GRHL3: variants seen among roughly 807,000 people sequenced by gnomAD.
GRHL3 encodes grainyhead like transcription factor 3.
Under a neutral mutation model 70.3 loss-of-function variants are expected in GRHL3, and 20 were observed. The ratio of observed to expected loss-of-function variants is 0.28; its 90% CI spans 0.20 to 0.41. GRHL3 has a LOEUF of 0.41. GRHL3 is among the 10% of genes least tolerant of loss of function. The pLI, the probability that GRHL3 is intolerant of heterozygous loss-of-function variation, is 1.00. For synonymous variants in GRHL3, 299 were observed against 299.9 expected (o/e 1.00, Z 0.03); for missense variants, 637 against 762.3 (o/e 0.84, Z 1.94).
downstream of GRHL3, chr1:24,358,339 G>A: frequency 1.4e-6 from 1 of 694,002 alleles, no homozygotes; most frequent in South Asian, 1.5e-5. Context: ...TGGGGCTGGG[G>A]TGAAGTCTCC....
In GRHL3 at chr1:24,334,557, C is replaced by T; in HGVS notation, c.205-88C>T. ...CGAACCATATCACCAAAGTTACTCC[C>T]CTGCCTGGCCAAAGCTGCAGGAGGG... On this transcript the variant is annotated intron_variant, in intron 2 of 15. Coordinates refer to ENST00000361548, the MANE Select transcript of GRHL3 (RefSeq NM_198173.3). The surrounding 1 kb of genome is among the most constrained non-coding windows in gnomAD (Gnocchi z 4.3). 9.8e-7 allele frequency: 1 copy of T among 1,018,932 alleles called. No homozygotes were observed. The highest frequency in any genetic ancestry group is 1.4e-5 in the South Asian group (1 of 72,976). 63.1% of individuals were successfully genotyped at this position (1,018,932 alleles called of 1,614,324 possible).
chr1:24,336,496 T>C lies in GRHL3; in HGVS notation c.281T>C (p.Met94Thr). The C allele has an allele frequency of 6.3e-7, 1 of 1,579,778 alleles. No homozygotes were observed. The highest frequency in any genetic ancestry group is 8.6e-7 in the Non-Finnish European group (1 of 1,159,190). The change falls in exon 4 of 16, where the codon ATG becomes ACG. Residue 94 changes from methionine to threonine, a missense_variant. Physicochemically the swap from Met to Thr is moderately conservative, Grantham distance 81. Coordinates refer to ENST00000361548, the MANE Select transcript of GRHL3 (RefSeq NM_198173.3). ...NDQGKRYYHG[M>T]EYETDLTPLE... ...TTTCTCCCCAGGTACTACCATGGCA[T>C]GGAATATGAGACGGACCTCACTCCC...
In GRHL3 at chr1:24,331,605, A is replaced by G. The variant is rs761071774; in HGVS notation, c.197A>G (p.Tyr66Cys). Residue 66 changes from tyrosine (Y) to cysteine (C), a missense_variant, in exon 2 of 16, where the codon TAC (tyrosine) becomes TGC (cysteine). Physicochemically the swap from Tyr to Cys is radical, Grantham distance 194. Coordinates refer to ENST00000361548, the MANE Select transcript of GRHL3 (RefSeq NM_198173.3). ...GCGGCCTTGAGCTTCCTCTATGATT[A>G]CTACATGGTACGTCTACCCCCTCTG... ...SVAALSFLYD[Y>C]YMGPKEKRIL... 34 of 1,612,708 alleles carry G rather than the reference A, an allele frequency of 2.1e-5. No homozygotes were observed. The highest frequency in any genetic ancestry group is 2.8e-5 in the Non-Finnish European group (33 of 1,179,218).
chr1:24,335,682 A>C (rs1310756370), intron 3 of GRHL3, among the ~76,000 whole-genome samples: 1 of 151,046 alleles, frequency 6.6e-6, no homozygotes, highest in Non-Finnish European at 1.5e-5. Flanking sequence ...TCCCGGGTTC[A>C]AGCCATTCTT....
intron 3 of GRHL3, among the ~76,000 whole-genome samples, chr1:24,335,279 C>T (rs1407379144): frequency 6.6e-6 from 1 of 152,208 alleles, no homozygotes; most frequent in African/African-American, 2.4e-5. Context: ...ATACTTCTTC[C>T]CCTGGCATTA....
Position 24,342,582 on chromosome 1 carries a change from G to A in GRHL3, c.1207-112G>A. On this transcript the variant is annotated intron_variant, in intron 9 of 15. Coordinates refer to ENST00000361548, the MANE Select transcript of GRHL3 (RefSeq NM_198173.3). The surrounding 1 kb of genome is among the most constrained non-coding windows in gnomAD (Gnocchi z 4.8). ...CCTTCCCATTTCCTGGTCTTGTTCT[G>A]GAAAAAAGAAGGACCAGAAGCTTGG... The A allele has an allele frequency of 9.4e-7, 1 of 1,059,050 alleles. No individual in the cohort carries two copies. The highest frequency in any genetic ancestry group is 1.5e-6 in the Non-Finnish European group (1 of 689,546). The allele number at this position is 1,059,050 out of a possible 1,614,324, so 65.6% of individuals were successfully genotyped here. A position where few individuals can be genotyped will look rare whatever the true frequency, so the allele number is the denominator to read the frequency against.
intron 1 of GRHL3, among the ~76,000 whole-genome samples, chr1:24,320,698 C>T (rs1639148868): frequency 6.6e-6 from 1 of 152,202 alleles, no homozygotes. Flanking sequence ...CCCTTCAGCT[C>T]TTCATGTTCA....
intron 3 of GRHL3, among the ~76,000 whole-genome samples, chr1:24,335,677 G>A (rs574276764): frequency 1.2e-4 from 18 of 151,986 alleles, no homozygotes; most frequent in African/African-American, 3.4e-4. Flanking sequence ...CCGTCTCCCG[G>A]GTTCAAGCCA....
Position 24,347,330 on chromosome 1 carries a change from C to G in GRHL3, c.1544-138C>G. 4.1e-6 allele frequency: 3 copies of G among 723,368 alleles called. No homozygotes were observed. In the South Asian group the frequency reaches 5.0e-5, roughly 12 times the overall value. 44.8% of individuals were successfully genotyped at this position (723,368 alleles called of 1,614,324 possible). A position where few individuals can be genotyped will look rare whatever the true frequency, so the allele number is the denominator to read the frequency against. On this transcript the variant is annotated intron_variant, in intron 13 of 15. Transcript: ENST00000361548. ...AGAGGGTGCATGGGAATCTGCAGAGCCGGCCAAAGGGCCTCCCAGCTGGGC... is the reference window on the plus strand; with the variant it reads ...AGAGGGTGCATGGGAATCTGCAGAGGCGGCCAAAGGGCCTCCCAGCTGGGC...
intron 15 of GRHL3, among the ~76,000 whole-genome samples, chr1:24,362,825 A>AT (rs890252898): frequency 1.3e-5 from 2 of 152,190 alleles, no homozygotes; most frequent in African/African-American, 4.8e-5. Flanking sequence ...GTGGATGCTT[A>AT]TATTTAGAAC....
At chr1:24,326,814 G>A (rs1225750783) in intron 1 of GRHL3, among the ~76,000 whole-genome samples, 1 of 152,138 alleles carries the variant, frequency 6.6e-6, no homozygotes, top group Non-Finnish European at 1.5e-5. Context: ...AGGAGTCCTG[G>A]CTTCACTCAT....
chr1:24,336,202 T>C (rs1022143373), intron 3 of GRHL3, among the ~76,000 whole-genome samples: 9 of 152,014 alleles, frequency 5.9e-5, no homozygotes, highest in African/African-American at 1.5e-4. Flanking sequence ...AAATAAACGA[T>C]TAAACTTTCA....
intron 11 of GRHL3, among the ~76,000 whole-genome samples, 177 bp from the exon 12 acceptor site, chr1:24,344,720 C>T (rs1321397292): frequency 1.3e-5 from 2 of 151,986 alleles, no homozygotes; most frequent in Non-Finnish European, 2.9e-5. Context: ...TTCCTTTCCA[C>T]TCAACATCTC....
chr1:24,355,559 A>C (rs1640687306), downstream of GRHL3, among the ~76,000 whole-genome samples: 1 of 152,108 alleles, frequency 6.6e-6, no homozygotes, highest in African/African-American at 2.4e-5. Flanking sequence ...AGGATCATTG[A>C]CTCTGCAGAG....
intron 1 of GRHL3, among the ~76,000 whole-genome samples, chr1:24,328,437 A>C (rs1639473271): frequency 6.6e-6 from 1 of 152,260 alleles, no homozygotes; most frequent in Non-Finnish European, 1.5e-5. Context: ...TTTATCAAGG[A>C]ATCAGACTTT....
At chr1:24,343,124 CT>C in intron 11 of GRHL3, 99 bp downstream of exon 11, 2 of 1,426,846 alleles carry the variant, frequency 1.4e-6, no homozygotes, top group Non-Finnish European at 2.0e-6. Context: ...CAGCCTGCCC[CT>C]CAGCCAGTTT....
Position 24,346,653 on chromosome 1 carries a change from CCCT to C in GRHL3, c.1543+17_1543+19del, listed in dbSNP as rs753473116. The C allele has an allele frequency of 4.4e-6, 7 of 1,601,720 alleles. No individual in the cohort carries two copies. In the South Asian group the frequency reaches 7.7e-5, roughly 18 times the overall value. On this transcript the variant is annotated intron_variant, in intron 13 of 15. Transcript: ENST00000361548. ...CGACCTTCAGAGAGGTGACCTCCCG[CCCT>C]CCTCATTTACTCACCAGGCCCACCC...
chr1:24,353,753 C>A (rs567671069), intron 15 of GRHL3, among the ~76,000 whole-genome samples: 1 of 152,292 alleles, frequency 6.6e-6, no homozygotes, highest in East Asian at 1.9e-4. Context: ...ATGGCTCTGA[C>A]TCCCTGCAGG....
In GRHL3 at chr1:24,336,608, C is replaced by G; in HGVS notation, c.393C>G (p.Asn131Lys). 1 of 1,614,114 alleles carries G rather than the reference C, an allele frequency of 6.2e-7. No homozygotes were observed. The highest frequency in any genetic ancestry group is 8.5e-7 in the Non-Finnish European group (1 of 1,179,974). The change falls in exon 4 of 16, where the codon AAC becomes AAG. Residue 131 changes from asparagine to lysine, a missense_variant. Transcript: ENST00000361548. ...PEYPDLLKKN[N>K]LMSLEGALPT... ...ACCCAGATTTGCTCAAGAAGAATAACCTGATGAGCTTGGAGGGGGCCTTGC... is the reference window on the plus strand; with the variant it reads ...ACCCAGATTTGCTCAAGAAGAATAAGCTGATGAGCTTGGAGGGGGCCTTGC...
Sources: gnomAD v4.1 joint callset for allele counts (sites outside exome capture counted in the v4.1 genomes callset) on GRCh38, gnomAD v4.1.1 for gene constraint, Gnocchi (gnomAD v3.1) non-coding constraint, MANE v1.5 for transcripts, NCBI Gene and HGNC (gene_info 2026-07-23, HGNC 2026-07-21) for gene names.